Variants in CPA4 observed in about 807,000 individuals in gnomAD.
The protein encoded by CPA4 is carboxypeptidase A3.
CPA4 carries 49 observed loss-of-function variants against 54.7 expected under a neutral mutation model. That is an observed-to-expected ratio of 0.90 (90% CI 0.71 to 1.14). The LOEUF is 1.14. CPA4 is among the 50% of genes most tolerant of loss of function. The pLI is 0.00. For synonymous variants in CPA4, 215 were observed against 206.8 expected, an observed-to-expected ratio of 1.04 and a Z score of -0.34; for missense variants, 487 against 525.1, an observed-to-expected ratio of 0.93 and a Z score of 0.71.
At chr7:130,320,599 C>G (rs1794076932) in intron 10 of CPA4, among the ~76,000 whole-genome samples, 1 of 152,082 alleles carries the variant, frequency 6.6e-6, no homozygotes, top group Non-Finnish European at 1.5e-5. Context: ...GCCAAAGGAC[C>G]CATATTTCCA....
rs528372723 is a variant in CPA4 at position 130,298,835 on chromosome 7, G to A, written c.150+8G>A. 2.1e-4 allele frequency: 319 copies of A among 1,551,460 alleles called. 4 individuals carry two copies. In the South Asian group the frequency reaches 3.4e-3, roughly 16 times the overall value. On this transcript the variant is annotated splice_region_variant and intron_variant, in intron 2 of 10. Transcript: ENST00000222482. ...AATTCAAACAACTTGAAGGTACCTG[G>A]TTCTTTTTAGCTCTCCTGAGTGTTT...
rs1370499817 is a variant in CPA4, at chr7:130,305,912, G to A, written c.583G>A (p.Ala195Thr). ...CTCCCAGGCCACTGCAATCTGGACG[G>A]CAAGGAAGGTCATGCTGCGTGGTAT... The part of the protein sequence containing the change: ...WISQATAIWT[A>T]RKIVSDYQRD... Residue 195 changes from alanine to threonine, a missense_variant, in exon 6 of 11, where the codon GCA becomes ACA. Transcript: ENST00000222482. The A allele has an allele frequency of 6.2e-7, 1 of 1,612,894 alleles. No homozygotes were observed. Among genetic ancestry groups the A allele is most frequent in the Non-Finnish European group, 8.5e-7 (1 of 1,178,960 alleles).
chr7:130,313,263 A>C (rs911702815), intron 10 of CPA4, among the ~76,000 whole-genome samples: 6 of 152,240 alleles, frequency 3.9e-5, no homozygotes, highest in Non-Finnish European at 8.8e-5. Context: ...CAGGGTAAGA[A>C]CATTAGTCCT....
chr7:130,302,503 A>C (rs1793754322), intron 4 of CPA4, among the ~76,000 whole-genome samples: 1 of 151,850 alleles, frequency 6.6e-6, no homozygotes, highest in Non-Finnish European at 1.5e-5. Flanking sequence ...AAAAAAAAAA[A>C]AAAGAGCGCT....
intron 8 of CPA4, among the ~76,000 whole-genome samples, chr7:130,309,339 C>A (rs1793877044): frequency 6.6e-6 from 1 of 152,204 alleles, no homozygotes. Flanking sequence ...CCTGCCTGGG[C>A]AAGTTGTGAG....
intron 1 of CPA4, chr7:130,293,484 A>C: frequency 2.0e-6 from 1 of 488,178 alleles, no homozygotes; most frequent in Non-Finnish European, 3.7e-6. Flanking sequence ...ATCTCCTGCC[A>C]GTTCTTTTTC....
At chr7:130,312,783 G>A (rs895569782) in intron 10 of CPA4, among the ~76,000 whole-genome samples, 20 of 152,212 alleles carry the variant, frequency 1.3e-4, no homozygotes, top group Middle Eastern at 6.8e-3. Flanking sequence ...AGAGACTAAG[G>A]GTATTTAAGG....
In CPA4 at chr7:130,312,110, T is replaced by C; in HGVS notation, c.1066T>C (p.Cys356Arg). The part of the protein sequence containing the change: ...SGTEYQVGPT[C>R]TTVYPASGSS... ...CACTGAGTACCAAGTGGGTCCCACCTGCACCACTGTCTGTAAGTACTCGCT... is the reference window on the plus strand; with the variant it reads ...CACTGAGTACCAAGTGGGTCCCACCCGCACCACTGTCTGTAAGTACTCGCT... Residue 356 changes from cysteine (C) to arginine (R), a missense_variant, in exon 10 of 11, where the codon TGC becomes CGC. Coordinates refer to ENST00000222482, the MANE Select transcript of CPA4 (RefSeq NM_016352.4). The C allele has an allele frequency of 6.2e-7, 1 of 1,612,730 alleles. No individual in the cohort carries two copies. Among genetic ancestry groups the C allele is most frequent in the Non-Finnish European group, 8.5e-7 (1 of 1,178,706 alleles).
chr7:130,297,847 A>C (rs1039554908), intron 1 of CPA4, among the ~76,000 whole-genome samples: 4 of 152,154 alleles, frequency 2.6e-5, no homozygotes, highest in Non-Finnish European at 5.9e-5. Context: ...CATCTCCCCC[A>C]GCCAGCTGAG....
At chr7:130,312,649 C>G (rs1793932774) in intron 10 of CPA4, among the ~76,000 whole-genome samples, 1 of 152,100 alleles carries the variant, frequency 6.6e-6, no homozygotes, top group Non-Finnish European at 1.5e-5. Flanking sequence ...AAGCCCTCTT[C>G]TTGTAAGAGT....
intron 7 of CPA4, 103 bp from the exon 8 acceptor site, chr7:130,308,204 A>G: frequency 4.2e-6 from 4 of 949,522 alleles, no homozygotes; most frequent in African/African-American, 1.6e-5. Flanking sequence ...TCCTGGCAGA[A>G]CTGCAAGCAG....
chr7:130,308,992 C>T (rs1329663237), intron 8 of CPA4, among the ~76,000 whole-genome samples: 1 of 151,990 alleles, frequency 6.6e-6, no homozygotes, highest in Non-Finnish European at 1.5e-5. Flanking sequence ...ATGACAGGTG[C>T]ATGCCACCAT....
chr7:130,318,005 G>A (rs1794017703), intron 10 of CPA4, among the ~76,000 whole-genome samples: 1 of 152,154 alleles, frequency 6.6e-6, no homozygotes. Flanking sequence ...GATGCCATCA[G>A]ATGATGTTGG....
At chr7:130,307,666 A>G (rs948044155) in intron 7 of CPA4, among the ~76,000 whole-genome samples, 4 of 151,522 alleles carry the variant, frequency 2.6e-5, no homozygotes, top group African/African-American at 7.3e-5. Flanking sequence ...TTAAGAGTCA[A>G]TTTGTTCAAG....
chr7:130,300,333 AT>A (rs767924823), intron 3 of CPA4, among the ~76,000 whole-genome samples: 36,699 of 124,348 alleles, frequency 0.3, 3,980 homozygotes, highest in Non-Finnish European at 0.32. Flanking sequence ...CAAGAAGTAA[AT>A]TTTTTTTTTT....
At chr7:130,300,591 C>A (rs1250077958) in intron 3 of CPA4, among the ~76,000 whole-genome samples, 1 of 152,020 alleles carries the variant, frequency 6.6e-6, no homozygotes, top group Non-Finnish European at 1.5e-5. Context: ...GCCTCAGCCT[C>A]CCAAAGTGCT....
chr7:130,302,846 T>C (rs1299015408), intron 4 of CPA4, among the ~76,000 whole-genome samples: 1 of 152,174 alleles, frequency 6.6e-6, no homozygotes, highest in Non-Finnish European at 1.5e-5. Flanking sequence ...CTGGGTCCTA[T>C]GGCTCTCCTC....
rs937664803 is a variant in CPA4 at position 130,303,579 on chromosome 7, G to C, written c.385-899G>C. ...TTTTTATTATTTTTGAGTAGAGAAA[G>C]TCATCACAGAATTTTGGAGAGTACT... is the stretch of plus-strand genomic sequence containing the variant. On this transcript the variant is annotated intron_variant, in intron 4 of 10. Transcript: ENST00000222482. Among the ~76,000 whole-genome samples, 3 of 152,106 alleles carry C rather than the reference G, an allele frequency of 2.0e-5. No individual in the cohort carries two copies. The South Asian group carries it at 6.2e-4, about 32-fold the overall frequency.
intron 10 of CPA4, among the ~76,000 whole-genome samples, chr7:130,320,929 G>T (rs1794084851): frequency 6.6e-6 from 1 of 152,184 alleles, no homozygotes; most frequent in Admixed American, 6.5e-5. Flanking sequence ...GCCAGGCGTG[G>T]GATTCACACC....
Sources: allele counts gnomAD v4.1 joint callset (sites outside exome capture counted in the v4.1 genomes callset), GRCh38; gene constraint gnomAD v4.1.1; transcripts MANE v1.5; gene names NCBI Gene and HGNC (gene_info 2026-07-23, HGNC 2026-07-21).